The following ARRB1 variants were observed in gnomAD, a reference collection of about 807,000 sequenced individuals.
ARRB1 encodes the protein beta-arrestin-1.
Under a neutral mutation model 56.8 loss-of-function variants are expected in ARRB1, and 21 were observed. That is an observed-to-expected ratio of 0.37 (90% confidence interval 0.26 to 0.53). The LOEUF (loss-of-function observed/expected upper bound fraction) is 0.53, where lower values mean the gene tolerates loss of function less well. ARRB1 is among the 20% of genes least tolerant of loss of function. ARRB1 has a pLI of 0.88. For missense variants in ARRB1, 424 were observed against 553.7 expected (o/e 0.77, Z 2.35); for synonymous variants, 210 against 218.6 (o/e 0.96, Z 0.35).
Position 75,318,147 on chromosome 11 carries a change from C to CT in ARRB1, c.21-28109dup, listed in dbSNP as rs547084580. Among the ~76,000 whole-genome samples the CT allele has an allele frequency of 7.7e-3, 593 of 76,866 alleles. 38 individuals are homozygous for CT. Among genetic ancestry groups the CT allele is most frequent in the African/African-American group, 0.02 (349 of 17,554 alleles). The allele number at this position is 76,866 out of a possible 152,430, so 50.4% of individuals were successfully genotyped here. A position where few individuals can be genotyped will look rare whatever the true frequency, so the allele number is the denominator to read the frequency against. On this transcript the variant is annotated intron_variant, in intron 1 of 15. Transcript: ENST00000420843. ...TCGGCCTGGGAATAAGCATTTCTAA[C>CT]TTTTTTTTTTTTTTTTTTTTTTTTT...
chr11:75,272,756 A>T (rs933750265), intron 12 of ARRB1, 139 bp downstream of exon 12: 6 of 723,344 alleles, frequency 8.3e-6, no homozygotes, highest in Non-Finnish European at 1.2e-5. Flanking sequence ...AAGGGAGGAA[A>T]AGAAGGGACA....
In ARRB1 at chr11:75,306,477, A is replaced by G. The variant is rs529874527; in HGVS notation, c.21-16438T>C. The G allele has an allele frequency of 1.5e-5, 11 of 737,032 alleles. No individual in the cohort carries two copies. The African/African-American group carries it at 1.6e-4, about 11-fold the overall frequency. 45.7% of individuals were successfully genotyped at this position (737,032 alleles called of 1,614,324 possible). A position where few individuals can be genotyped will look rare whatever the true frequency, so the allele number is the denominator to read the frequency against. ...GAAGCACTCAATGCACATCTCATGG[A>G]GAGAGGAAGAAATCATGTAAATCCC... On this transcript the variant is annotated intron_variant, in intron 1 of 15. Transcript: ENST00000420843.
chr11:75,276,881 T>C lies in ARRB1; in HGVS notation c.734A>G (p.Asn245Ser), dbSNP rs757694456. The C allele has an allele frequency of 1.2e-5, 20 of 1,614,026 alleles. No homozygotes were observed. Among genetic ancestry groups the C allele is most frequent in the Admixed American group, 3.3e-5 (2 of 60,002 alleles). Residue 245 changes from asparagine to serine, a missense_variant, in exon 10 of 16, where the codon AAC becomes AGC. By Grantham distance (46) the Asn-to-Ser change is conservative. Transcript: ENST00000420843. ...AACAGGGCACTTGTACTGAGCTGTG[T>C]TGAAAAGGCAGATGTCTGCATACTG... is the stretch of plus-strand genomic sequence containing the variant. Reference protein sequence around the residue: ...VRQYADICLFNTAQYKCPVAM... With the variant: ...VRQYADICLFSTAQYKCPVAM...
intron 1 of ARRB1, among the ~76,000 whole-genome samples, chr11:75,333,242 C>T (rs1419292791): frequency 3.3e-5 from 5 of 152,356 alleles, no homozygotes; most frequent in Non-Finnish European, 7.3e-5. Context: ...AAGGGCAGAG[C>T]CACAGTTGTG....
intron 4 of ARRB1, 21 bp downstream of exon 4, chr11:75,284,214 G>C (rs780399812): frequency 1.9e-6 from 3 of 1,599,538 alleles, no homozygotes; most frequent in Non-Finnish European, 2.6e-6. Context: ...TGACAGGCTG[G>C]GGATGGGGGC....
chr11:75,316,921 C>G (rs1195357181), intron 1 of ARRB1, among the ~76,000 whole-genome samples: 1 of 152,014 alleles, frequency 6.6e-6, no homozygotes, highest in Non-Finnish European at 1.5e-5. Flanking sequence ...CAAAAATTAG[C>G]CATGTGTAGT....
At chr11:75,293,797 G>A (rs1374312131) in intron 1 of ARRB1, among the ~76,000 whole-genome samples, 1 of 152,138 alleles carries the variant, frequency 6.6e-6, no homozygotes, top group Non-Finnish European at 1.5e-5. Flanking sequence ...CAGGATGCAT[G>A]GGGGCTGGCG....
chr11:75,267,605 C>A, intron 15 of ARRB1, 47 bp downstream of exon 15: 2 of 1,276,504 alleles, frequency 1.6e-6, no homozygotes, highest in South Asian at 2.4e-5. Flanking sequence ...TCCACCCCGC[C>A]CACCCGCGGC....
At chr11:75,270,921 T>C (rs1182033581) in intron 13 of ARRB1, 4 of 150,964 alleles carry the variant, frequency 2.6e-5, no homozygotes, top group African/African-American at 7.3e-5. Context: ...TTCCTTCTCT[T>C]TTTTTTTTCC....
chr11:75,278,754 A>G lies in ARRB1; in HGVS notation c.483-10T>C, dbSNP rs747905601. The G allele has an allele frequency of 2.1e-5, 33 of 1,601,158 alleles. No homozygotes were observed. Among genetic ancestry groups the G allele is most frequent in the South Asian group, 6.7e-5 (6 of 90,190 alleles). ...CAGACGCACAGAATTCCTAATGGAG[A>G]TGGGCGGAGTGAAAGAGGACCAGGG... On this transcript the variant is annotated splice_polypyrimidine_tract_variant and intron_variant, in intron 7 of 15. Transcript: ENST00000420843.
At chr11:75,303,930 T>C (rs574735938) in intron 1 of ARRB1, among the ~76,000 whole-genome samples, 118 of 152,272 alleles carry the variant, frequency 7.7e-4, no homozygotes, top group African/African-American at 2.6e-3. Context: ...CCTTGGTACA[T>C]AGTAGGTGCT....
At chr11:75,348,201 C>T (rs1199840301) in intron 1 of ARRB1, among the ~76,000 whole-genome samples, 1 of 152,222 alleles carries the variant, frequency 6.6e-6, no homozygotes, top group Non-Finnish European at 1.5e-5. Context: ...GGCTGCACGC[C>T]TTGCTTCCTG....
chr11:75,269,614 T>C (rs1477073416), intron 13 of ARRB1, among the ~76,000 whole-genome samples: 1 of 152,202 alleles, frequency 6.6e-6, no homozygotes, highest in East Asian at 1.9e-4. Flanking sequence ...TTGGCCCTGA[T>C]GGACAGAATA....
chr11:75,288,474 G>C (rs1052352937), intron 2 of ARRB1, among the ~76,000 whole-genome samples: 4 of 151,924 alleles, frequency 2.6e-5, no homozygotes, highest in African/African-American at 9.7e-5. Flanking sequence ...TGACTCGATC[G>C]CCATCATTAT....
At chr11:75,300,664 G>C (rs953839578) in intron 1 of ARRB1, among the ~76,000 whole-genome samples, 1 of 151,250 alleles carries the variant, frequency 6.6e-6, no homozygotes, top group African/African-American at 2.4e-5. Context: ...ACCCCATCTC[G>C]ACTAAAAATA....
intron 1 of ARRB1, among the ~76,000 whole-genome samples, chr11:75,310,934 C>A (rs945971597): frequency 1.3e-5 from 2 of 152,188 alleles, no homozygotes; most frequent in African/African-American, 2.4e-5. Context: ...CCACAGTGAC[C>A]TTAAGGAGCA....
At chr11:75,304,258 A>G (rs2140468637) in intron 1 of ARRB1, among the ~76,000 whole-genome samples, 1 of 152,302 alleles carries the variant, frequency 6.6e-6, no homozygotes, top group African/African-American at 2.4e-5. Context: ...ATTTCTTCCT[A>G]TTCTCACATT....
intron 1 of ARRB1, among the ~76,000 whole-genome samples, chr11:75,313,727 C>T (rs1268150307): frequency 1.3e-5 from 2 of 152,190 alleles, no homozygotes; most frequent in Non-Finnish European, 2.9e-5. Flanking sequence ...GATAAAACCC[C>T]TGTGAGGAAA....
intron 1 of ARRB1, among the ~76,000 whole-genome samples, chr11:75,335,623 C>T (rs997019051): frequency 6.6e-6 from 1 of 151,770 alleles, no homozygotes. Flanking sequence ...AGCTGAGTCT[C>T]GGACCTGCCT....
Sources: gnomAD v4.1 joint callset for allele counts (sites outside exome capture counted in the v4.1 genomes callset) on GRCh38, gnomAD v4.1.1 for gene constraint, MANE v1.5 for transcripts, NCBI Gene and HGNC (gene_info 2026-07-23, HGNC 2026-07-21) for gene names.